SCD5: variants seen among roughly 807,000 people sequenced by gnomAD.
The protein encoded by SCD5 is acyl-CoA-desaturase 4.
SCD5 carries 20 observed loss-of-function variants against 30.4 expected under a neutral mutation model. That is an observed-to-expected ratio of 0.66 (90% CI 0.46 to 0.96). The LOEUF is 0.96. Ranked by LOEUF, SCD5 falls within the 40% of genes least tolerant of loss-of-function variation. The probability of loss-of-function intolerance (pLI) is 0.00; values close to 1 mark genes in which losing one functional copy is unlikely to be tolerated. For missense variants in SCD5, 381 were observed against 443.3 expected (o/e 0.86, Z 1.26); for synonymous variants, 173 against 176.4 (o/e 0.98, Z 0.16).
intron 2 of SCD5, among the ~76,000 whole-genome samples, chr4:82,689,397 TA>T (rs914720563): frequency 2.0e-4 from 30 of 150,922 alleles, no homozygotes; most frequent in Middle Eastern, 6.8e-3. Flanking sequence ...TTCTAAATAC[TA>T]AAAAAAAAGA....
In SCD5 at chr4:82,765,084, G is replaced by A. The variant is rs564439205; in HGVS notation, c.232+33222C>T. On this transcript the variant is annotated intron_variant, in intron 1 of 4. Transcript: ENST00000319540. Reference sequence around the variant, plus strand: ...TATTTATCTACTATTTACCATTTCTGTTGCTGTTTAATCCTTTATTTTGAT... The same window carrying A: ...TATTTATCTACTATTTACCATTTCTATTGCTGTTTAATCCTTTATTTTGAT... Among the ~76,000 whole-genome samples the A allele has an allele frequency of 2.0e-5, 3 of 152,166 alleles. No homozygotes were observed. In the South Asian group the frequency reaches 6.2e-4, roughly 32 times the overall value.
In SCD5 at chr4:82,798,476, C is replaced by T. The variant is rs763231348; in HGVS notation, c.62G>A (p.Arg21His). 4.3e-6 allele frequency: 7 copies of T among 1,612,582 alleles called. No individual in the cohort carries two copies. The African/African-American group carries it at 5.3e-5, about 12-fold the overall frequency. The change falls in exon 1 of 5, where the codon CGT becomes CAT. Residue 21 changes from arginine (R) to histidine (H), a missense_variant. Coordinates refer to ENST00000319540, the MANE Select transcript of SCD5 (RefSeq NM_001037582.3). Reference sequence around the variant, plus strand: ...GCCCTCAGAGCTTTCGAGCCCGGCACGGATTTCTTCCTTGGCGTCGCAGAA... The same window carrying T: ...GCCCTCAGAGCTTTCGAGCCCGGCATGGATTTCTTCCTTGGCGTCGCAGAA... ...IPFCDAKEEI[R>H]AGLESSEGGG...
intron 1 of SCD5, among the ~76,000 whole-genome samples, chr4:82,741,681 C>T (rs1720875442): frequency 6.6e-6 from 1 of 152,158 alleles, no homozygotes; most frequent in African/African-American, 2.4e-5. Context: ...TAGAATAGGG[C>T]TCTTTCTGCC....
At chr4:82,770,547 C>T (rs1359379033) in intron 1 of SCD5, among the ~76,000 whole-genome samples, 2 of 152,210 alleles carry the variant, frequency 1.3e-5, no homozygotes, top group African/African-American at 4.8e-5. Context: ...AAACAGCCCA[C>T]TTGTATTTTA....
intron 1 of SCD5, among the ~76,000 whole-genome samples, chr4:82,781,545 C>T (rs1227189555): frequency 1.3e-5 from 2 of 152,150 alleles, no homozygotes; most frequent in African/African-American, 2.4e-5. Flanking sequence ...TTGAATGTGT[C>T]TCCCTAAGTT....
At chr4:82,696,387 T>A (rs184125552) in intron 2 of SCD5, among the ~76,000 whole-genome samples, 220 of 152,220 alleles carry the variant, frequency 1.4e-3, no homozygotes, top group African/African-American at 5.2e-3. Flanking sequence ...TGGACTTTGA[T>A]AAACAAGGAC....
intron 1 of SCD5, among the ~76,000 whole-genome samples, chr4:82,730,671 T>C (rs6535400): frequency 0.57 from 83,310 of 145,406 alleles, 25,207 homozygotes; most frequent in African/African-American, 0.76. Flanking sequence ...CTGCATGCTC[T>C]GCCTCCCGGG....
intron 1 of SCD5, among the ~76,000 whole-genome samples, chr4:82,787,734 G>A (rs530257338): frequency 8.5e-5 from 13 of 152,264 alleles, no homozygotes; most frequent in South Asian, 8.3e-4. Context: ...AAGGCACTAA[G>A]AAAAGGCTGG....
intron 3 of SCD5, among the ~76,000 whole-genome samples, chr4:82,670,552 A>C (rs1323649123): frequency 6.6e-6 from 1 of 152,142 alleles, no homozygotes; most frequent in Non-Finnish European, 1.5e-5. Context: ...AAATTGCAAC[A>C]AATAGAAAAT....
intron 1 of SCD5, among the ~76,000 whole-genome samples, chr4:82,711,544 T>C (rs1160175349): frequency 1.3e-5 from 2 of 152,160 alleles, no homozygotes; most frequent in East Asian, 3.9e-4. Flanking sequence ...CAAAACACTG[T>C]ATCTACAAAA....
intron 3 of SCD5, 134 bp from the exon 4 acceptor site, chr4:82,636,957 A>G (rs1229120544): frequency 1.4e-6 from 1 of 698,892 alleles, no homozygotes; most frequent in Non-Finnish European, 2.4e-6. Flanking sequence ...CGCTTTCTAT[A>G]TGTGGAAGCC....
intron 3 of SCD5, among the ~76,000 whole-genome samples, chr4:82,670,695 T>C (rs183761624): frequency 1.3e-5 from 2 of 151,844 alleles, no homozygotes; most frequent in African/African-American, 4.8e-5. Flanking sequence ...TATCAATTGA[T>C]ATGGCAAATA....
chr4:82,652,932 C>T (rs1317988091), intron 3 of SCD5, among the ~76,000 whole-genome samples: 1 of 152,136 alleles, frequency 6.6e-6, no homozygotes, highest in Non-Finnish European at 1.5e-5. Flanking sequence ...GTGGGCAGAT[C>T]CCTTGAGCTC....
intron 1 of SCD5, among the ~76,000 whole-genome samples, chr4:82,788,226 T>A (rs913138939): frequency 6.6e-6 from 1 of 152,150 alleles, no homozygotes; most frequent in Non-Finnish European, 1.5e-5. Context: ...ATAAATTTCT[T>A]CCTCTTCCAT....
intron 1 of SCD5, among the ~76,000 whole-genome samples, chr4:82,764,401 T>C (rs1483943683): frequency 6.6e-6 from 1 of 152,248 alleles, no homozygotes; most frequent in Non-Finnish European, 1.5e-5. Context: ...TTGTTCTTTT[T>C]CATATCTTCA....
chr4:82,706,628 G>A (rs923887455), intron 1 of SCD5, among the ~76,000 whole-genome samples: 2 of 152,208 alleles, frequency 1.3e-5, no homozygotes, highest in Non-Finnish European at 2.9e-5. Flanking sequence ...TCCCTCTTCT[G>A]GCTCAAAGCC....
chr4:82,661,828 A>G (rs1728014827), intron 3 of SCD5, among the ~76,000 whole-genome samples: 1 of 152,238 alleles, frequency 6.6e-6, no homozygotes, highest in African/African-American at 2.4e-5. Flanking sequence ...AGCTGAAGAG[A>G]GTAAACATGA....
intron 3 of SCD5, among the ~76,000 whole-genome samples, chr4:82,644,040 G>A (rs973738389): frequency 6.6e-6 from 1 of 152,200 alleles, no homozygotes; most frequent in Non-Finnish European, 1.5e-5. Flanking sequence ...ATGTTCTGTA[G>A]AGTAGCTAAA....
intron 3 of SCD5, chr4:82,660,512 A>G (rs1471107544): frequency 9.1e-7 from 1 of 1,099,452 alleles, no homozygotes; most frequent in East Asian, 6.3e-5. Context: ...AGAGTGCTGT[A>G]TGTGTAGTTA....
Sources: allele counts gnomAD v4.1 joint callset (sites outside exome capture counted in the v4.1 genomes callset), GRCh38; gene constraint gnomAD v4.1.1; transcripts MANE v1.5; gene names NCBI Gene and HGNC (gene_info 2026-07-23, HGNC 2026-07-21).